Variants in AIM2 observed in about 807,000 individuals in gnomAD.
AIM2 encodes interferon-inducible protein AIM2.
Under a neutral mutation model 27.7 loss-of-function variants are expected in AIM2, and 30 were observed. The ratio of observed to expected loss-of-function variants is 1.08; its 90% CI spans 0.81 to 1.47. The LOEUF (loss-of-function observed/expected upper bound fraction) is 1.47. AIM2 is among the 40% of genes most tolerant of loss of function. The pLI is 0.00. For synonymous variants in AIM2, 141 were observed against 145.3 expected (o/e 0.97, Z 0.21); for missense variants, 358 against 411.3 (o/e 0.87, Z 1.12).
At chr1:159,105,222 T>G (rs565222177) in intron 1 of AIM2, among the ~76,000 whole-genome samples, 2 of 152,198 alleles carry the variant, frequency 1.3e-5, no homozygotes, top group Non-Finnish European at 2.9e-5. Context: ...AGGCACTGGC[T>G]CCATGTGAGG....
chr1:159,057,714 A>T (rs1655706846), downstream of AIM2, among the ~76,000 whole-genome samples: 1 of 152,214 alleles, frequency 6.6e-6, no homozygotes. Flanking sequence ...TTAGAATTTA[A>T]TGGCAAATGT....
intron 1 of AIM2, among the ~76,000 whole-genome samples, chr1:159,136,520 C>G (rs781561389): frequency 3.9e-5 from 6 of 152,192 alleles, no homozygotes; most frequent in Non-Finnish European, 8.8e-5. Context: ...GCTGCTTCTA[C>G]TATGCTCATG....
chr1:159,070,700 A>C (rs1656318610), intron 2 of AIM2, among the ~76,000 whole-genome samples: 1 of 152,244 alleles, frequency 6.6e-6, no homozygotes, highest in African/African-American at 2.4e-5. Flanking sequence ...GTACTCTGTC[A>C]TTACCTTTCA....
chr1:159,084,443 C>T (rs1463484933), intron 1 of AIM2, among the ~76,000 whole-genome samples: 1 of 151,986 alleles, frequency 6.6e-6, no homozygotes, highest in African/African-American at 2.4e-5. Context: ...ATAAGCTTCC[C>T]TTGATAGTTT....
chr1:159,068,513 C>T lies in AIM2; in HGVS notation c.396+55G>A, dbSNP rs567299828. 1.4e-5 allele frequency: 21 copies of T among 1,533,376 alleles called. No homozygotes were observed. The African/African-American group carries it at 2.1e-4, about 15-fold the overall frequency. The allele number at this position is 1,533,376 out of a possible 1,614,324, so 95.0% of individuals were successfully genotyped here. Reference sequence around the variant, plus strand: ...GAACAGAGAACAATATGGGAAGTGACAGTGACAGTGATGCTCTTACAAGGA... The same window carrying T: ...GAACAGAGAACAATATGGGAAGTGATAGTGACAGTGATGCTCTTACAAGGA... On this transcript the variant is annotated intron_variant, in intron 3 of 5. Transcript: ENST00000368130.
intron 1 of AIM2, among the ~76,000 whole-genome samples, chr1:159,122,681 T>C (rs1025768387): frequency 2.0e-5 from 3 of 152,194 alleles, no homozygotes; most frequent in African/African-American, 7.2e-5. Context: ...AAGACCTTGG[T>C]TCTCGGCAGA....
At chr1:159,094,269 C>T (rs942059971) in intron 1 of AIM2, among the ~76,000 whole-genome samples, 1 of 152,158 alleles carries the variant, frequency 6.6e-6, no homozygotes, top group African/African-American at 2.4e-5. Context: ...GCAAATGCCA[C>T]AGCTACTTGT....
At chr1:159,104,985 G>A (rs1450710399) in intron 1 of AIM2, among the ~76,000 whole-genome samples, 1 of 152,202 alleles carries the variant, frequency 6.6e-6, no homozygotes, top group African/African-American at 2.4e-5. Context: ...TGTGTCCAGT[G>A]GCACCTTTGC....
chr1:159,092,961 G>A (rs1258179801), intron 1 of AIM2, among the ~76,000 whole-genome samples: 2 of 152,048 alleles, frequency 1.3e-5, no homozygotes, highest in African/African-American at 4.8e-5. Flanking sequence ...AGGAGGCGGA[G>A]GTTGCAGTGA....
chr1:159,104,545 T>C (rs950676395), intron 1 of AIM2, among the ~76,000 whole-genome samples: 40 of 152,252 alleles, frequency 2.6e-4, no homozygotes, highest in Admixed American at 2.6e-3. Context: ...TGAGATGTGC[T>C]GTAAGATTAA....
intron 1 of AIM2, among the ~76,000 whole-genome samples, chr1:159,113,046 G>T (rs1270892571): frequency 6.6e-6 from 1 of 151,810 alleles, no homozygotes; most frequent in East Asian, 1.9e-4. Context: ...CGGGGTTCAC[G>T]CCATTCTCCT....
chr1:159,143,894 T>C (rs1214445004), upstream of AIM2, among the ~76,000 whole-genome samples: 1 of 152,150 alleles, frequency 6.6e-6, no homozygotes, highest in Non-Finnish European at 1.5e-5. Flanking sequence ...GGAATGACCC[T>C]GAAACATGTA....
At chr1:159,146,993 A>C (rs1261688101) in intron 1 of AIM2, 1 of 152,242 alleles carries the variant, frequency 6.6e-6, no homozygotes, top group African/African-American at 2.4e-5. Context: ...ATACAGCACC[A>C]GATTCCTGAG....
intron 1 of AIM2, chr1:159,140,367 A>G (rs1648087926): frequency 6.6e-6 from 1 of 152,272 alleles, no homozygotes; most frequent in African/African-American, 2.4e-5. Context: ...ACATGCACAC[A>G]TGGAAGCAGC....
chr1:159,070,589 T>A (rs183528828), intron 2 of AIM2, among the ~76,000 whole-genome samples: 2 of 152,220 alleles, frequency 1.3e-5, no homozygotes, highest in Non-Finnish European at 2.9e-5. Context: ...ATTTGAACAA[T>A]TCTGGACTGA....
intron 1 of AIM2, among the ~76,000 whole-genome samples, chr1:159,092,699 G>C (rs1657074257): frequency 6.6e-6 from 1 of 152,126 alleles, no homozygotes; most frequent in African/African-American, 2.4e-5. Context: ...ACTTGCCTGA[G>C]GTTACAAAGG....
chr1:159,144,955 C>G (rs1450015345), upstream of AIM2, among the ~76,000 whole-genome samples: 1 of 152,134 alleles, frequency 6.6e-6, no homozygotes, highest in Non-Finnish European at 1.5e-5. Context: ...CCCTTACATA[C>G]TATACTTTCA....
intron 1 of AIM2, among the ~76,000 whole-genome samples, chr1:159,131,511 G>A (rs900138319): frequency 2.6e-5 from 4 of 152,296 alleles, no homozygotes; most frequent in African/African-American, 9.6e-5. Flanking sequence ...GAAATTGGGA[G>A]CAGTTTAGTA....
At chr1:159,066,983 C>T (rs997631103) in intron 3 of AIM2, among the ~76,000 whole-genome samples, 34 of 152,080 alleles carry the variant, frequency 2.2e-4, no homozygotes, top group African/African-American at 7.7e-4. Context: ...AAAAGTACAT[C>T]TTATTATTTG....
Sources: allele counts gnomAD v4.1 joint callset (sites outside exome capture counted in the v4.1 genomes callset), GRCh38; gene constraint gnomAD v4.1.1; transcripts MANE v1.5; gene names NCBI Gene and HGNC (gene_info 2026-07-23, HGNC 2026-07-21).